The following TMEM117 variants were observed in gnomAD, a reference collection of about 807,000 sequenced individuals.
TMEM117 encodes transmembrane protein 117.
TMEM117 carries 27 observed loss-of-function variants against 52.4 expected under a neutral mutation model. The observed-to-expected ratio is 0.51, with a 90% CI of 0.38 to 0.71. The LOEUF (loss-of-function observed/expected upper bound fraction) is 0.71, where lower values mean the gene tolerates loss of function less well. Ranked by LOEUF, TMEM117 falls within the 30% of genes least tolerant of loss-of-function variation. The probability of loss-of-function intolerance (pLI) is 0.00; values close to 1 mark genes in which losing one functional copy is unlikely to be tolerated. For missense variants in TMEM117, 556 were observed against 630.5 expected, an observed-to-expected ratio of 0.88 and a Z score of 1.26; for synonymous variants, 215 against 206.3, an observed-to-expected ratio of 1.04 and a Z score of -0.36.
At chr12:43,995,073 G>A (rs1946004619) in intron 3 of TMEM117, among the ~76,000 whole-genome samples, 1 of 151,936 alleles carries the variant, frequency 6.6e-6, no homozygotes, top group Non-Finnish European at 1.5e-5. Context: ...TCAGGAGATC[G>A]AGATCATGCT....
At chr12:43,923,676 G>A (rs1944731070) in intron 2 of TMEM117, among the ~76,000 whole-genome samples, 1 of 152,114 alleles carries the variant, frequency 6.6e-6, no homozygotes, top group Admixed American at 6.5e-5. Flanking sequence ...ATTTGGTTAA[G>A]TAAAAATATA....
Position 43,899,645 on chromosome 12 carries a change from C to T in TMEM117, c.278-44565C>T, listed in dbSNP as rs377286084. ...TGTTTCCCTAAATTTTTATTTTTTT[C>T]AAATGAGAATGTACACAAGTTACTA... On this transcript the variant is annotated intron_variant, in intron 2 of 7. Coordinates refer to ENST00000266534, the MANE Select transcript of TMEM117 (RefSeq NM_032256.3). Among the ~76,000 whole-genome samples, 8 of 138,230 alleles carry T rather than the reference C, an allele frequency of 5.8e-5. No individual in the cohort carries two copies. In the Admixed American group the frequency reaches 5.9e-4, roughly 10 times the overall value. 90.7% of individuals were successfully genotyped at this position (138,230 alleles called of 152,430 possible). A position where few individuals can be genotyped will look rare whatever the true frequency, so the allele number is the denominator to read the frequency against.
At chr12:44,018,708 T>G (rs188989098) in intron 3 of TMEM117, among the ~76,000 whole-genome samples, 22 of 151,822 alleles carry the variant, frequency 1.4e-4, no homozygotes, top group African/African-American at 5.1e-4. Flanking sequence ...TTTATTTTTC[T>G]TTTTTTCTTT....
intron 3 of TMEM117, among the ~76,000 whole-genome samples, chr12:44,124,212 G>C (rs948866076): frequency 2.0e-5 from 3 of 152,012 alleles, no homozygotes; most frequent in Admixed American, 2.0e-4. Flanking sequence ...CTACCATGTT[G>C]GTGGTGTACA....
intron 6 of TMEM117, among the ~76,000 whole-genome samples, chr12:44,323,289 G>T (rs1951155893): frequency 6.6e-6 from 1 of 152,238 alleles, no homozygotes; most frequent in Admixed American, 6.5e-5. Context: ...TAAGTTTGTG[G>T]TACTTTGTTA....
At chr12:44,192,322 G>C (rs1248409698) in intron 4 of TMEM117, among the ~76,000 whole-genome samples, 1 of 152,100 alleles carries the variant, frequency 6.6e-6, no homozygotes, top group Non-Finnish European at 1.5e-5. Context: ...GGACCTACTG[G>C]ATGCTTACTG....
At chr12:43,935,362 C>T (rs1029091764) in intron 2 of TMEM117, among the ~76,000 whole-genome samples, 1 of 152,176 alleles carries the variant, frequency 6.6e-6, no homozygotes, top group African/African-American at 2.4e-5. Flanking sequence ...TTTTCAACTG[C>T]TGTAATCAAA....
At chr12:44,330,796 C>T (rs574741884) in intron 6 of TMEM117, among the ~76,000 whole-genome samples, 30 of 151,976 alleles carry the variant, frequency 2.0e-4, no homozygotes, top group Non-Finnish European at 3.8e-4. Flanking sequence ...GGTAACGTTT[C>T]CACCTCACCA....
intron 2 of TMEM117, among the ~76,000 whole-genome samples, chr12:43,901,771 C>G (rs895956804): frequency 5.3e-5 from 8 of 152,000 alleles, no homozygotes; most frequent in African/African-American, 1.9e-4. Flanking sequence ...TTTAAGGTCT[C>G]TATTTCAAAA....
intron 3 of TMEM117, among the ~76,000 whole-genome samples, chr12:44,024,718 G>A (rs1946505552): frequency 6.6e-6 from 1 of 151,800 alleles, no homozygotes; most frequent in African/African-American, 2.4e-5. Context: ...TTACCCAAAC[G>A]TTTCATATTA....
At chr12:44,206,633 TA>T (rs1481329307) in intron 4 of TMEM117, among the ~76,000 whole-genome samples, 1 of 152,106 alleles carries the variant, frequency 6.6e-6, no homozygotes, top group Admixed American at 6.6e-5. Context: ...TATGCAGCCA[TA>T]AAAAATAATG....
chr12:43,858,994 G>A (rs560630955), intron 2 of TMEM117, among the ~76,000 whole-genome samples: 8 of 152,112 alleles, frequency 5.3e-5, no homozygotes, highest in African/African-American at 7.2e-5. Context: ...AAGTCAAACC[G>A]AAGAGAAATC....
chr12:43,938,807 TG>T (rs1423162038), intron 2 of TMEM117, among the ~76,000 whole-genome samples: 15 of 152,030 alleles, frequency 9.9e-5, no homozygotes, highest in Admixed American at 9.8e-4. Flanking sequence ...CAGACCAGCC[TG>T]GCCAGCATGG....
chr12:43,928,091 C>G (rs982695365), intron 2 of TMEM117, among the ~76,000 whole-genome samples: 1 of 151,840 alleles, frequency 6.6e-6, no homozygotes, highest in African/African-American at 2.4e-5. Flanking sequence ...ATTTTAGTGG[C>G]TACCCTTGAT....
intron 5 of TMEM117, among the ~76,000 whole-genome samples, chr12:44,284,466 C>G (rs904447469): frequency 1.3e-5 from 2 of 152,202 alleles, no homozygotes; most frequent in African/African-American, 4.8e-5. Flanking sequence ...TACAATTTCC[C>G]TCTGTTGAAC....
At chr12:43,885,158 C>T (rs566643546) in intron 2 of TMEM117, among the ~76,000 whole-genome samples, 4 of 152,300 alleles carry the variant, frequency 2.6e-5, no homozygotes, top group East Asian at 1.9e-4. Context: ...TTCATGGATT[C>T]GTAGCAATCA....
chr12:44,255,845 T>C (rs1461194040), intron 5 of TMEM117, among the ~76,000 whole-genome samples: 1 of 152,124 alleles, frequency 6.6e-6, no homozygotes, highest in African/African-American at 2.4e-5. Flanking sequence ...TTAAAAAATA[T>C]TTTTTAACAT....
At chr12:44,362,598 A>G (rs1323526318) in intron 6 of TMEM117, among the ~76,000 whole-genome samples, 1 of 152,040 alleles carries the variant, frequency 6.6e-6, no homozygotes, top group African/African-American at 2.4e-5. Flanking sequence ...AAAGCAAAGG[A>G]AAGAGATTAG....
intron 2 of TMEM117, among the ~76,000 whole-genome samples, chr12:43,870,830 G>T (rs1038374392): frequency 5.3e-5 from 8 of 152,072 alleles, no homozygotes; most frequent in African/African-American, 1.9e-4. Flanking sequence ...TGTTGCCAGG[G>T]CTGGAGTGCA....
Sources: allele counts gnomAD v4.1 joint callset (sites outside exome capture counted in the v4.1 genomes callset), GRCh38; gene constraint gnomAD v4.1.1; transcripts MANE v1.5; gene names NCBI Gene and HGNC (gene_info 2026-07-23, HGNC 2026-07-21).